ACTN3: variants seen among roughly 807,000 people sequenced by gnomAD.
The protein encoded by ACTN3 is actinin alpha 3, also known as alpha-actinin-3.
Under a neutral mutation model 119.6 loss-of-function variants are expected in ACTN3, and 91 were observed. The ratio of observed to expected loss-of-function variants is 0.76; its 90% CI spans 0.64 to 0.91. ACTN3 has a LOEUF of 0.91. ACTN3 is among the 40% of genes least tolerant of loss of function. ACTN3 has a pLI of 0.00. For missense variants in ACTN3, 1,221 were observed against 1,215.1 expected (o/e 1.00, Z -0.07); for synonymous variants, 456 against 478.8 (o/e 0.95, Z 0.62).
In ACTN3 at chr11:66,551,638, G is replaced by A. The variant is rs778611371; in HGVS notation, c.373G>A (p.Gly125Ser). 1.2e-6 allele frequency: 2 copies of A among 1,613,576 alleles called. No individual in the cohort carries two copies. The highest frequency in any genetic ancestry group is 1.7e-5 in the Admixed American group (1 of 60,028). The change falls in exon 3 of 21, where the codon GGT becomes AGT. Residue 125 changes from glycine (G) to serine (S), a missense_variant. Gly to Ser is a moderately conservative substitution (Grantham distance 56). Around this residue, in one of 3 missense-constraint regions of ACTN3, gnomAD observed 239 missense variants for 231.8 expected, o/e 1.03. Coordinates refer to ENST00000513398, the MANE Select transcript of ACTN3 (RefSeq NM_001104.4). The stretch of plus-strand genomic sequence containing the variant: ...CAAGGGGGTTAAACTGGTGTCCATT[G>A]GTGCTGAAGGTGAGGAGGTGGCAGG... Reference protein sequence around the residue: ...ASKGVKLVSIGAEEIVDGNLK... With the variant: ...ASKGVKLVSISAEEIVDGNLK...
Position 66,563,330 on chromosome 11 carries a change from C to A in ACTN3, c.*137C>A. On this transcript the variant is annotated 3_prime_UTR_variant, in exon 21 of 21. Transcript: ENST00000513398. ...AATAAAGATCCCTCTCTGGGTCTCT[C>A]CCCATCTCCTTTTAGTTCCTGAAGC... 1 of 1,127,914 alleles carries A rather than the reference C, an allele frequency of 8.9e-7. No individual in the cohort carries two copies. The highest frequency in any genetic ancestry group is 1.2e-6 in the Non-Finnish European group (1 of 832,236). 69.9% of individuals were successfully genotyped at this position (1,127,914 alleles called of 1,614,324 possible).
chr11:66,551,547 A>G lies in ACTN3; in HGVS notation c.282A>G (p.Pro94=). ...ACCCAGGTGAGAGGCTGCCTAGGCC[A>G]GATAAAGGCAAGATGCGCTTCCACA... ...EVISGERLPR[P]DKGKMRFHKI... Residue 94 remains proline (P), a synonymous_variant, in exon 3 of 21, where the codon CCA becomes CCG. Coordinates refer to ENST00000513398, the MANE Select transcript of ACTN3 (RefSeq NM_001104.4). 6.2e-7 allele frequency: 1 copy of G among 1,614,024 alleles called. No homozygotes were observed. The highest frequency in any genetic ancestry group is 8.5e-7 in the Non-Finnish European group (1 of 1,179,938).
chr11:66,553,953 C>A, intron 3 of ACTN3, 92 bp from the exon 4 acceptor site: 1 of 1,041,152 alleles, frequency 9.6e-7, no homozygotes, highest in Non-Finnish European at 1.4e-6. Context: ...AGACAAGGGC[C>A]AGAGGGCTGA....
chr11:66,546,884 G>T, upstream of ACTN3: 1 of 1,511,458 alleles, frequency 6.6e-7, no homozygotes. Flanking sequence ...TACTTAATGG[G>T]GCCCGGGTGT....
Position 66,551,666 on chromosome 11 carries a change from G to C in ACTN3, c.382+19G>C. 6.2e-7 allele frequency: 1 copy of C among 1,612,774 alleles called. No individual in the cohort carries two copies. The highest frequency in any genetic ancestry group is 1.1e-5 in the South Asian group (1 of 90,968). Reference sequence around the variant, plus strand: ...GCTGAAGGTGAGGAGGTGGCAGGAAGGGTCTTGGGCAGGGCACAGGGGCCT... The same window carrying C: ...GCTGAAGGTGAGGAGGTGGCAGGAACGGTCTTGGGCAGGGCACAGGGGCCT... On this transcript the variant is annotated intron_variant, in intron 3 of 20. Transcript: ENST00000513398.
chr11:66,560,341 G>A (rs559462683), intron 14 of ACTN3, 30 bp downstream of exon 14: 2 of 1,596,614 alleles, frequency 1.3e-6, no homozygotes, highest in Non-Finnish European at 1.7e-6. Context: ...GGGATGGATA[G>A]GATGACAGGA....
At chr11:66,561,675 A>G (rs1357353825) in intron 17 of ACTN3, 38 bp downstream of exon 17, 8 of 1,587,066 alleles carry the variant, frequency 5.0e-6, no homozygotes, top group African/African-American at 1.3e-5. Flanking sequence ...GGGAGGCAGC[A>G]CTGGCTGAGG....
intron 1 of ACTN3, among the ~76,000 whole-genome samples, chr11:66,549,225 C>T (rs937033295): frequency 1.1e-4 from 17 of 152,222 alleles, no homozygotes; most frequent in Admixed American, 3.9e-4. Flanking sequence ...TGCATGGCAG[C>T]CCCTGCCTGA....
chr11:66,555,596 C>T (rs1857575811), intron 7 of ACTN3, among the ~76,000 whole-genome samples: 1 of 152,196 alleles, frequency 6.6e-6, no homozygotes, highest in Non-Finnish European at 1.5e-5. Context: ...GCCCTACCTT[C>T]TGCCTCACAT....
chr11:66,547,229 T>A (rs2134911328), intron 1 of ACTN3, 145 bp downstream of exon 1: 1 of 1,027,780 alleles, frequency 9.7e-7, no homozygotes. Context: ...ATCAGCTGCC[T>A]GCTGTCCCCA....
intron 1 of ACTN3, among the ~76,000 whole-genome samples, chr11:66,550,079 G>T (rs1590803463): frequency 6.6e-6 from 1 of 152,314 alleles, no homozygotes; most frequent in Non-Finnish European, 1.5e-5. Flanking sequence ...CACCTCCCAG[G>T]AGTATCTGCT....
upstream of ACTN3, chr11:66,546,492 C>T (rs1857342288): frequency 1.3e-6 from 2 of 1,525,632 alleles, no homozygotes; most frequent in Admixed American, 2.0e-5. Context: ...CTCGGCGCCT[C>T]TGTGTTCCTG....
intron 3 of ACTN3, among the ~76,000 whole-genome samples, chr11:66,553,835 C>T (rs1273360767): frequency 8.1e-6 from 1 of 124,046 alleles, no homozygotes; most frequent in African/African-American, 3.1e-5. Context: ...GCCTGGGTGA[C>T]AGAGCGAGAC....
chr11:66,555,548 A>G (rs1857574736), intron 7 of ACTN3, among the ~76,000 whole-genome samples, 181 bp downstream of exon 7: 1 of 151,612 alleles, frequency 6.6e-6, no homozygotes, highest in Non-Finnish European at 1.5e-5. Flanking sequence ...CCATCCCCCA[A>G]AGAGGACCAT....
In ACTN3 at chr11:66,562,277, G is replaced by A; in HGVS notation, c.2343G>A (p.Glu781=). The part of the protein sequence containing the change: ...HFDRKQNGMM[E]PDDFRACLIS... ...TACAGAAGCAGAATGGGATGATGGA[G>A]CCTGATGACTTCCGAGCTTGCCTCA... is the stretch of plus-strand genomic sequence containing the variant. The change falls in exon 19 of 21, where the codon GAG becomes GAA. Residue 781 remains glutamate (E), a synonymous_variant. Coordinates refer to ENST00000513398, the MANE Select transcript of ACTN3 (RefSeq NM_001104.4). 1 of 1,613,724 alleles carries A rather than the reference G, an allele frequency of 6.2e-7. No individual in the cohort carries two copies. Among genetic ancestry groups the A allele is most frequent in the Non-Finnish European group, 8.5e-7 (1 of 1,179,862 alleles).
At chr11:66,551,435 G>A (rs757833281) in intron 2 of ACTN3, 82 bp downstream of exon 2, 53 of 1,566,486 alleles carry the variant, frequency 3.4e-5, no homozygotes, top group Non-Finnish European at 4.5e-5. Flanking sequence ...GCGGAGTGTT[G>A]GACGGGACTT....
chr11:66,547,218 C>T, intron 1 of ACTN3, 134 bp downstream of exon 1: 2 of 1,092,280 alleles, frequency 1.8e-6, no homozygotes, highest in Non-Finnish European at 2.4e-6. Flanking sequence ...AGGCTCTGCC[C>T]ATCAGCTGCC....
Position 66,555,094 on chromosome 11 carries a change from GA to G in ACTN3, c.558-34del, listed in dbSNP as rs754585259. 4 of 1,608,702 alleles carry G rather than the reference GA, an allele frequency of 2.5e-6. No individual in the cohort carries two copies. The African/African-American group carries it at 5.3e-5, about 22-fold the overall frequency. On this transcript the variant is annotated intron_variant, in intron 5 of 20. Coordinates refer to ENST00000513398, the MANE Select transcript of ACTN3 (RefSeq NM_001104.4). ...CGAGGGGAGAACGGGGCCCCAGCTT[GA>G]ACCCAGGCCTGACCCCCCTCTTCTC... is the stretch of plus-strand genomic sequence containing the variant.
chr11:66,559,885 G>C (rs1857703192), intron 12 of ACTN3, 83 bp from the exon 13 acceptor site: 1 of 1,379,600 alleles, frequency 7.2e-7, no homozygotes, highest in African/African-American at 1.4e-5. Flanking sequence ...CCCCCATCCG[G>C]GGAGCAGGTT....
Sources: allele counts gnomAD v4.1 joint callset (sites outside exome capture counted in the v4.1 genomes callset), GRCh38; gene constraint gnomAD v4.1.1; regional missense constraint gnomAD v4.1.1; transcripts MANE v1.5; gene names NCBI Gene and HGNC (gene_info 2026-07-23, HGNC 2026-07-21).